RRM2: variants seen among roughly 807,000 people sequenced by gnomAD.
RRM2 encodes the protein ribonucleotide reductase regulatory subunit M2.
A neutral mutation model predicts 45.9 loss-of-function variants in RRM2; 6 were observed. The ratio of observed to expected loss-of-function variants is 0.13; its 90% CI spans 0.07 to 0.26. The LOEUF (loss-of-function observed/expected upper bound fraction) is 0.26. Ranked by LOEUF, RRM2 falls within the 10% of genes least tolerant of loss-of-function variation. The pLI, the probability that RRM2 is intolerant of heterozygous loss-of-function variation, is 1.00. For synonymous variants in RRM2, 177 were observed against 173.0 expected (o/e 1.02, Z -0.18); for missense variants, 343 against 489.5 (o/e 0.70, Z 2.82).
intron 2 of RRM2, chr2:10,142,004 G>A (rs1379537195): frequency 1.9e-6 from 3 of 1,572,358 alleles, no homozygotes; most frequent in Non-Finnish European, 2.6e-6. Context: ...AGGGAGGAAG[G>A]GGCGGGCTAT....
intron 3 of RRM2, among the ~76,000 whole-genome samples, chr2:10,181,943 A>T (rs956086600): frequency 6.6e-6 from 1 of 151,150 alleles, no homozygotes; most frequent in Non-Finnish European, 1.5e-5. Flanking sequence ...TTAAAAAAAA[A>T]ATTGTAGAGA....
chr2:10,143,961 C>T (rs950165727), intron 3 of RRM2, among the ~76,000 whole-genome samples: 6 of 152,218 alleles, frequency 3.9e-5, no homozygotes, highest in African/African-American at 1.4e-4. Flanking sequence ...CCACCACACC[C>T]GGCCCCTCTG....
chr2:10,193,773 GCAGCCACAGAGCAACCCCTCTTCAC>G (rs1446674844), intron 3 of RRM2, among the ~76,000 whole-genome samples: 2 of 152,200 alleles, frequency 1.3e-5, no homozygotes, highest in African/African-American at 4.8e-5. Context: ...CAGAGCCGCA[GCAGCCACAGAGCAACCCCTCTTCAC>G]CCTGGGGATG....
chr2:10,136,017 A>C (rs1662984175), downstream of RRM2, among the ~76,000 whole-genome samples: 1 of 151,900 alleles, frequency 6.6e-6, no homozygotes, highest in Admixed American at 6.6e-5. Flanking sequence ...GTTTGCTTTT[A>C]TGCCAATTGC....
At chr2:10,170,790 C>T (rs1016418780) in intron 3 of RRM2, among the ~76,000 whole-genome samples, 1 of 152,164 alleles carries the variant, frequency 6.6e-6, no homozygotes, top group African/African-American at 2.4e-5. Flanking sequence ...GGGCCTGTGT[C>T]CCGCACCCCC....
chr2:10,177,796 A>G (rs562353314), intron 3 of RRM2, among the ~76,000 whole-genome samples: 6 of 129,414 alleles, frequency 4.6e-5, no homozygotes, highest in African/African-American at 1.5e-4. Context: ...TAATTTTTGT[A>G]TTTTTACTGG....
intron 3 of RRM2, among the ~76,000 whole-genome samples, chr2:10,166,014 A>C (rs1451773451): frequency 6.6e-6 from 1 of 152,140 alleles, no homozygotes; most frequent in African/African-American, 2.4e-5. Context: ...AGCGGCCCGG[A>C]GGGGAGCACA....
chr2:10,131,743 A>C (rs1185291173), downstream of RRM2, among the ~76,000 whole-genome samples: 1 of 152,218 alleles, frequency 6.6e-6, no homozygotes, highest in Admixed American at 6.5e-5. Flanking sequence ...TCTGAAAAAA[A>C]AAGGTGTTTT....
At chr2:10,170,536 A>G (rs1663779342) in intron 3 of RRM2, among the ~76,000 whole-genome samples, 1 of 152,100 alleles carries the variant, frequency 6.6e-6, no homozygotes, top group Non-Finnish European at 1.5e-5. Flanking sequence ...GAGGAGGGGA[A>G]CAAGAGAGAA....
rs532941604 is a variant in RRM2 at position 10,195,350 on chromosome 2, G to C, written n.483-14961G>C. ...GTTCGGAGGCAGAGGGCTGGACTTG[G>C]AAGGAAGGAAGAGCGGACACAGGGC... On this transcript the variant is annotated intron_variant and non_coding_transcript_variant, in intron 3 of 3. Transcript: ENST00000381786. This position sits in a 1 kb window ranked among gnomAD's most constrained non-coding sequence, Gnocchi z 4.9. Among the ~76,000 whole-genome samples, 1 of 152,126 alleles carries C rather than the reference G, an allele frequency of 6.6e-6. No homozygotes were observed. Among genetic ancestry groups the C allele is most frequent in the Non-Finnish European group, 1.5e-5 (1 of 68,008 alleles).
At chr2:10,188,081 T>G (rs1031782598) in intron 3 of RRM2, among the ~76,000 whole-genome samples, 29 of 152,152 alleles carry the variant, frequency 1.9e-4, no homozygotes, top group Non-Finnish European at 4.4e-5. Context: ...TCTAATGATT[T>G]ATGGGTGAGA....
chr2:10,134,679 G>A (rs1277667888), downstream of RRM2, among the ~76,000 whole-genome samples: 2 of 152,216 alleles, frequency 1.3e-5, no homozygotes, highest in Non-Finnish European at 2.9e-5. Context: ...TCGGAATCAG[G>A]TAGAATGGGA....
At chr2:10,198,008 G>A (rs78023383) in intron 3 of RRM2, among the ~76,000 whole-genome samples, 3,114 of 152,260 alleles carry the variant, frequency 0.02, 109 homozygotes, top group African/African-American at 0.071. Flanking sequence ...TCCTAAGCAC[G>A]TCCGCTCTGT....
chr2:10,158,114 CTT>C (rs1294050946), intron 3 of RRM2, among the ~76,000 whole-genome samples: 1 of 152,114 alleles, frequency 6.6e-6, no homozygotes, highest in Non-Finnish European at 1.5e-5. Flanking sequence ...TGCCACAACC[CTT>C]TGAGATGGGA....
At chr2:10,176,135 C>T (rs1243589594) in intron 3 of RRM2, among the ~76,000 whole-genome samples, 1 of 152,176 alleles carries the variant, frequency 6.6e-6, no homozygotes, top group Non-Finnish European at 1.5e-5. Context: ...GTAGCATCTG[C>T]CCAAGTTTTA....
chr2:10,125,107 G>A (rs1227616334), intron 5 of RRM2, among the ~76,000 whole-genome samples: 2 of 152,216 alleles, frequency 1.3e-5, no homozygotes, highest in Non-Finnish European at 2.9e-5. Flanking sequence ...ATTCCTAGAT[G>A]TTGGGTAAGA....
At chr2:10,207,379 G>A (rs771865904) in intron 3 of RRM2, among the ~76,000 whole-genome samples, 3 of 152,152 alleles carry the variant, frequency 2.0e-5, no homozygotes, top group Admixed American at 1.3e-4. Context: ...TCTCCACACC[G>A]AACCCGAGGC....
downstream of RRM2, among the ~76,000 whole-genome samples, chr2:10,133,695 A>C (rs113437389): frequency 5.5e-3 from 736 of 134,624 alleles, 9 homozygotes; most frequent in Middle Eastern, 0.011. Flanking sequence ...AGGGAATATG[A>C]CATCAGGATT....
At chr2:10,168,302 C>T (rs1481901440) in intron 3 of RRM2, among the ~76,000 whole-genome samples, 2 of 151,930 alleles carry the variant, frequency 1.3e-5, no homozygotes, top group Non-Finnish European at 2.9e-5. Context: ...TGCCTTCTTA[C>T]CATCATTAAC....
Sources: gnomAD v4.1 joint callset for allele counts (sites outside exome capture counted in the v4.1 genomes callset) on GRCh38, gnomAD v4.1.1 for gene constraint, Gnocchi (gnomAD v3.1) non-coding constraint, MANE v1.5 for transcripts, NCBI Gene and HGNC (gene_info 2026-07-23, HGNC 2026-07-21) for gene names.